AAGAB: variants seen among roughly 807,000 people sequenced by gnomAD.
AAGAB encodes the protein alpha- and gamma-adaptin-binding protein p34.
AAGAB carries 38 observed loss-of-function variants against 44.1 expected under a neutral mutation model. The observed-to-expected ratio is 0.86, with a 90% CI of 0.67 to 1.13. The LOEUF (loss-of-function observed/expected upper bound fraction) is 1.13. AAGAB is among the 50% of genes most tolerant of loss of function. The pLI is 0.00. For synonymous variants in AAGAB, 131 were observed against 131.8 expected (o/e 0.99, Z 0.04); for missense variants, 450 against 373.8 (o/e 1.20, Z -1.68).
In AAGAB at chr15:67,202,135, C is replaced by G. The variant is rs34311413; in HGVS notation, c.*686G>C. 1,428 of 152,516 alleles carry G rather than the reference C, an allele frequency of 9.4e-3. 9 individuals carry two copies. Among genetic ancestry groups the G allele is most frequent in the Non-Finnish European group, 0.013 (896 of 68,092 alleles). 9.4% of individuals were successfully genotyped at this position (152,516 alleles called of 1,614,324 possible). On this transcript the variant is annotated 3_prime_UTR_variant, in exon 10 of 10. Transcript: ENST00000261880. ...TCTCTCTAACATACAACATATCCCC[C>G]ACAACTCAGTAGAGAGGTTTTCTTC...
upstream of AAGAB, chr15:67,254,686 C>T (rs1159274612): frequency 1.7e-5 from 26 of 1,546,304 alleles, no homozygotes; most frequent in Non-Finnish European, 2.2e-5. Context: ...TGGGCTGCAC[C>T]ACGGCCGCCG....
At chr15:67,235,917 C>T in intron 4 of AAGAB, 62 bp downstream of exon 4, 1 of 1,263,452 alleles carries the variant, frequency 7.9e-7, no homozygotes, top group Admixed American at 2.2e-5. Context: ...TTCTTCTTCC[C>T]TGAATTAAAA....
chr15:67,250,800 G>A (rs150589309), intron 1 of AAGAB, among the ~76,000 whole-genome samples: 14 of 152,236 alleles, frequency 9.2e-5, no homozygotes, highest in African/African-American at 3.4e-4. Context: ...GCTGAGGCGG[G>A]CAGATCACGA....
Position 67,235,964 on chromosome 15 carries a change from C to A in AAGAB, c.451+15G>T. On this transcript the variant is annotated intron_variant, in intron 4 of 9. Coordinates refer to ENST00000261880, the MANE Select transcript of AAGAB (RefSeq NM_024666.5). The stretch of plus-strand genomic sequence containing the variant: ...ATCTAAGTGCCATATTTTCTCCTAA[C>A]ACATAAACACTTACCATCCTCCTCA... The A allele has an allele frequency of 6.4e-7, 1 of 1,566,484 alleles. No individual in the cohort carries two copies. The highest frequency in any genetic ancestry group is 8.7e-7 in the Non-Finnish European group (1 of 1,144,448).
Position 67,203,588 on chromosome 15 carries a change from G to A in AAGAB, c.830C>T (p.Ala277Val), listed in dbSNP as rs202016609. 2.6e-4 allele frequency: 421 copies of A among 1,613,236 alleles called. No homozygotes were observed. Among genetic ancestry groups the A allele is most frequent in the Non-Finnish European group, 3.1e-4 (368 of 1,179,704 alleles). ...TTTTCTTTGCTCATGAGGAAGCGTCGCAGCCTTGTCTAGGGGGAAAATATA... is the reference window on the plus strand; with the variant it reads ...TTTTCTTTGCTCATGAGGAAGCGTCACAGCCTTGTCTAGGGGGAAAATATA... The part of the protein sequence containing the change: ...SKLKEMKDKA[A>V]TLPHEQRKVH... Residue 277 changes from alanine to valine, a missense_variant, in exon 9 of 10, where the codon GCG becomes GTG. By Grantham distance (64) the Ala-to-Val change is moderately conservative. Transcript: ENST00000261880.
intron 5 of AAGAB, 45 bp downstream of exon 5, chr15:67,231,769 C>A (rs1319039846): frequency 2.1e-6 from 3 of 1,445,706 alleles, no homozygotes; most frequent in Admixed American, 1.7e-5. Context: ...TTAAAACTTA[C>A]AAGGAACAAG....
At chr15:67,203,469 C>T (rs1963613390) in intron 9 of AAGAB, 79 bp downstream of exon 9, 2 of 1,228,260 alleles carry the variant, frequency 1.6e-6, no homozygotes, top group South Asian at 2.6e-5. Flanking sequence ...TTCAGAAATA[C>T]ACAAGTGTGA....
chr15:67,236,885 A>G (rs1280526749), intron 1 of AAGAB, 65 bp from the exon 2 acceptor site: 6 of 1,307,558 alleles, frequency 4.6e-6, no homozygotes, highest in Non-Finnish European at 6.3e-6. Context: ...TGATTTTCTC[A>G]GTCAGATACC....
chr15:67,236,786 C>A lies in AAGAB; in HGVS notation c.108G>T (p.Val36=). ...AAAATCTCACAGCATCATTGGAAGT[C>A]ACTTCCACAATAAGATCTTCTGTTC... ...ILGTEDLIVE[V]TSNDAVRFYP... The change falls in exon 2 of 10, where the codon GTG becomes GTT. Residue 36 remains valine, a synonymous_variant. Coordinates refer to ENST00000261880, the MANE Select transcript of AAGAB (RefSeq NM_024666.5). 6.2e-7 allele frequency: 1 copy of A among 1,611,284 alleles called. No individual in the cohort carries two copies. Among genetic ancestry groups the A allele is most frequent in the South Asian group, 1.1e-5 (1 of 90,232 alleles).
chr15:67,254,956 CG>C (rs1364836512), upstream of AAGAB: 2 of 1,612,310 alleles, frequency 1.2e-6, no homozygotes, highest in South Asian at 2.2e-5. Flanking sequence ...AGGTGGGAAA[CG>C]GGCTTCCCCC....
upstream of AAGAB, chr15:67,254,853 T>C (rs751036390): frequency 6.9e-6 from 11 of 1,595,848 alleles, no homozygotes; most frequent in Non-Finnish European, 9.4e-6. Context: ...TTTCCGTGCT[T>C]GGAAACCGCG....
chr15:67,233,449 T>C (rs981372391), intron 4 of AAGAB, among the ~76,000 whole-genome samples: 4 of 152,170 alleles, frequency 2.6e-5, no homozygotes, highest in African/African-American at 9.7e-5. Context: ...ATCCTGCAGA[T>C]GTTGAGGATT....
chr15:67,210,026 A>G (rs1963777906), intron 5 of AAGAB, among the ~76,000 whole-genome samples: 1 of 152,174 alleles, frequency 6.6e-6, no homozygotes, highest in Admixed American at 6.5e-5. Context: ...TCCAGGTGGA[A>G]AATAATAGCA....
intron 1 of AAGAB, among the ~76,000 whole-genome samples, chr15:67,241,712 T>G (rs974217316): frequency 3.8e-4 from 58 of 152,136 alleles, no homozygotes; most frequent in Non-Finnish European, 8.8e-5. Flanking sequence ...TCAATGAAAC[T>G]ATGTCTAAGA....
chr15:67,238,698 ATTTT>A (rs35660168), intron 1 of AAGAB, among the ~76,000 whole-genome samples: 2 of 145,506 alleles, frequency 1.4e-5, no homozygotes, highest in Non-Finnish European at 1.5e-5. Flanking sequence ...ATCAGTCTTA[ATTTT>A]TTTTTTTTTT....
At chr15:67,254,440 C>T in intron 1 of AAGAB, 119 bp downstream of exon 1, 4 of 1,457,196 alleles carry the variant, frequency 2.7e-6, no homozygotes, top group Non-Finnish European at 3.6e-6. Flanking sequence ...CCTCCACTGA[C>T]TGGAGGAAGA....
At chr15:67,216,318 T>C (rs1963944602) in intron 5 of AAGAB, among the ~76,000 whole-genome samples, 1 of 151,638 alleles carries the variant, frequency 6.6e-6, no homozygotes, top group Admixed American at 6.6e-5. Flanking sequence ...GGCGTGTGCC[T>C]GTAGTCCCAG....
At chr15:67,215,518 G>GT (rs1337199299) in intron 5 of AAGAB, among the ~76,000 whole-genome samples, 6 of 152,130 alleles carry the variant, frequency 3.9e-5, no homozygotes, top group Admixed American at 6.5e-5. Flanking sequence ...ATCTTAAGAA[G>GT]TTTTTTCCAT....
At position 67,203,561 on chromosome 15, in the gene AAGAB, A is replaced by G. The variant is rs780402119; in HGVS notation, c.857T>C (p.Val286Ala). The G allele has an allele frequency of 9.9e-6, 16 of 1,613,722 alleles. No homozygotes were observed. In the South Asian group the frequency reaches 1.5e-4, roughly 16 times the overall value. The change falls in exon 9 of 10, where the codon GTG becomes GCG. Residue 286 changes from valine to alanine, a missense_variant. Physicochemically the swap from Val to Ala is moderately conservative, Grantham distance 64. Transcript: ENST00000261880. ...TGATTGTCTCACCTTTTCTGCATGC[A>G]CTTTTCTTTGCTCATGAGGAAGCGT... ...AATLPHEQRKVHAEKVAKAFW... is the reference protein window; with the variant it reads ...AATLPHEQRKAHAEKVAKAFW...
Sources: gnomAD v4.1 joint callset for allele counts (sites outside exome capture counted in the v4.1 genomes callset) on GRCh38, gnomAD v4.1.1 for gene constraint, MANE v1.5 for transcripts, NCBI Gene and HGNC (gene_info 2026-07-23, HGNC 2026-07-21) for gene names.